The following MAN2A1 variants were observed in gnomAD, a reference collection of about 807,000 sequenced individuals.
The protein encoded by MAN2A1 is mannosidase alpha class 2A member 1, also known as alpha-mannosidase 2.
Under a neutral mutation model 142.6 loss-of-function variants are expected in MAN2A1, and 76 were observed. The observed-to-expected ratio is 0.53, with a 90% CI of 0.44 to 0.65. MAN2A1 has a LOEUF of 0.65. Ranked by LOEUF, MAN2A1 falls within the 30% of genes least tolerant of loss-of-function variation. The probability of loss-of-function intolerance (pLI) is 0.00; values close to 1 mark genes in which losing one functional copy is unlikely to be tolerated. For missense variants in MAN2A1, 1,311 were observed against 1,365.1 expected (o/e 0.96, Z 0.62); for synonymous variants, 559 against 473.2 (o/e 1.18, Z -2.35).
chr5:109,868,043 A>G lies in MAN2A1; in HGVS notation c.*1045A>G, dbSNP rs897955767. ...ATTTTGACTATTTGAATGTACTGAG[A>G]TGTCAGAAAACAAAACAAGGAAGGA... On this transcript the variant is annotated 3_prime_UTR_variant, in exon 22 of 22. Transcript: ENST00000261483. 1 of 152,188 alleles carries G rather than the reference A, an allele frequency of 6.6e-6. No homozygotes were observed. The highest frequency in any genetic ancestry group is 1.5e-5 in the Non-Finnish European group (1 of 68,018). 9.4% of individuals were successfully genotyped at this position (152,188 alleles called of 1,614,324 possible).
chr5:109,846,953 C>T (rs1178400039), intron 18 of MAN2A1, among the ~76,000 whole-genome samples: 1 of 152,066 alleles, frequency 6.6e-6, no homozygotes, highest in Non-Finnish European at 1.5e-5. Context: ...TCCCGATGTG[C>T]AGTGGGGCAG....
At chr5:109,784,565 A>G (rs1753547653) in intron 9 of MAN2A1, among the ~76,000 whole-genome samples, 179 bp from the exon 10 acceptor site, 1 of 152,182 alleles carries the variant, frequency 6.6e-6, no homozygotes, top group African/African-American at 2.4e-5. Context: ...GAGAACGTAA[A>G]TGTGTTATAC....
intron 4 of MAN2A1, among the ~76,000 whole-genome samples, chr5:109,738,807 T>TCTTCTA (rs1752182912): frequency 2.0e-5 from 3 of 152,136 alleles, no homozygotes; most frequent in Non-Finnish European, 4.4e-5. Context: ...TATGTAATTT[T>TCTTCTA]TAATGCTGAA....
chr5:109,743,675 C>T (rs1362711871), intron 4 of MAN2A1, among the ~76,000 whole-genome samples: 2 of 152,194 alleles, frequency 1.3e-5, no homozygotes, highest in South Asian at 2.1e-4. Context: ...CCCTGCTTTT[C>T]GTCTCCATTG....
intron 3 of MAN2A1, among the ~76,000 whole-genome samples, chr5:109,720,833 A>G (rs556547816): frequency 2.2e-4 from 33 of 152,326 alleles, no homozygotes; most frequent in African/African-American, 7.2e-4. Context: ...CTGGTTGCTA[A>G]AGGAACTTTA....
chr5:109,716,082 AT>A, intron 2 of MAN2A1, 37 bp from the exon 3 acceptor site: 1 of 1,410,426 alleles, frequency 7.1e-7, no homozygotes, highest in Non-Finnish European at 9.9e-7. Context: ...TAAATTAATA[AT>A]TGTTAAACTT....
At chr5:109,843,171 G>T (rs903155318) in intron 17 of MAN2A1, among the ~76,000 whole-genome samples, 1 of 152,110 alleles carries the variant, frequency 6.6e-6, no homozygotes, top group Non-Finnish European at 1.5e-5. Context: ...AATTTATAAA[G>T]GAAAGAGGTT....
Position 109,773,416 on chromosome 5 carries a change from A to G in MAN2A1, c.1197-1372A>G, listed in dbSNP as rs578023703. Among the ~76,000 whole-genome samples, 58 of 152,200 alleles carry G rather than the reference A, an allele frequency of 3.8e-4. No individual in the cohort carries two copies. In the South Asian group the frequency reaches 0.011, roughly 30 times the overall value. The stretch of plus-strand genomic sequence containing the variant: ...GCCTAGGAAATCTAGTTGGAGCTCA[A>G]TTATATCTTATATCTATGATTTATA... On this transcript the variant is annotated intron_variant, in intron 7 of 21. Transcript: ENST00000261483.
chr5:109,716,409 T>C, intron 3 of MAN2A1, 145 bp downstream of exon 3: 1 of 607,600 alleles, frequency 1.6e-6, no homozygotes, highest in African/African-American at 1.9e-5. Context: ...CTTTTATGTG[T>C]CATTATGTTT....
intron 1 of MAN2A1, among the ~76,000 whole-genome samples, chr5:109,704,346 AT>A (rs1278278052): frequency 6.6e-6 from 1 of 152,192 alleles, no homozygotes; most frequent in African/African-American, 2.4e-5. Context: ...GTAGCTACGT[AT>A]TTTTTGTGCT....
rs370773256 is a variant in MAN2A1, at chr5:109,781,472, C to T, written c.1451C>T (p.Ser484Leu). The change falls in exon 9 of 22, where the codon TCG becomes TTG. Residue 484 changes from serine to leucine, a missense_variant. This residue lies in a region of MAN2A1 where 890 missense variants were observed against 920.5 expected (regional missense o/e 0.97). Transcript: ENST00000261483. ...ADETQRDKGQSMFPVLSGDFF... is the reference protein window; with the variant it reads ...ADETQRDKGQLMFPVLSGDFF... The stretch of plus-strand genomic sequence containing the variant: ...GAAACTCAGAGAGACAAGGGCCAAT[C>T]GATGTTCCCTGTTTTAAGTGGAGAT... 6.5e-5 allele frequency: 105 copies of T among 1,613,074 alleles called. No homozygotes were observed. The highest frequency in any genetic ancestry group is 8.1e-5 in the Non-Finnish European group (95 of 1,179,668).
chr5:109,703,388 G>T (rs1244340961), intron 1 of MAN2A1, among the ~76,000 whole-genome samples: 1 of 152,166 alleles, frequency 6.6e-6, no homozygotes, highest in Non-Finnish European at 1.5e-5. Flanking sequence ...ATGTAAGACA[G>T]ATTACCAACA....
At chr5:109,714,794 C>G (rs1421442851) in intron 2 of MAN2A1, among the ~76,000 whole-genome samples, 1 of 152,158 alleles carries the variant, frequency 6.6e-6, no homozygotes, top group Non-Finnish European at 1.5e-5. Context: ...ACAGGCCAAG[C>G]TGGAAGCTGG....
chr5:109,848,766 CTG>C (rs1224262000), intron 19 of MAN2A1, among the ~76,000 whole-genome samples: 1 of 152,138 alleles, frequency 6.6e-6, no homozygotes, highest in African/African-American at 2.4e-5. Context: ...TTTGAACACT[CTG>C]TTTTCTTCTA....
intron 4 of MAN2A1, among the ~76,000 whole-genome samples, chr5:109,741,146 T>G (rs145641635): frequency 1.3e-5 from 2 of 152,142 alleles, no homozygotes; most frequent in Admixed American, 1.3e-4. Context: ...TTGGAAAATA[T>G]TCTGGAATAC....
chr5:109,856,040 T>A (rs2112774179), intron 20 of MAN2A1, among the ~76,000 whole-genome samples: 1 of 152,288 alleles, frequency 6.6e-6, no homozygotes, highest in East Asian at 1.9e-4. Flanking sequence ...AGGATGCTCA[T>A]GTTTAAAGAC....
chr5:109,804,393 C>T (rs1580269528), intron 12 of MAN2A1: 1 of 487,196 alleles, frequency 2.1e-6, no homozygotes, highest in Non-Finnish European at 2.7e-6. Flanking sequence ...TATGTGAAAT[C>T]GCGTTACTTT....
At chr5:109,747,984 T>G (rs1752450448) in intron 4 of MAN2A1, among the ~76,000 whole-genome samples, 1 of 152,214 alleles carries the variant, frequency 6.6e-6, no homozygotes, top group Non-Finnish European at 1.5e-5. Flanking sequence ...TACCGTGCTT[T>G]TTAAACATGT....
chr5:109,855,554 G>A (rs766793591), intron 20 of MAN2A1, among the ~76,000 whole-genome samples: 4 of 152,092 alleles, frequency 2.6e-5, no homozygotes, highest in African/African-American at 9.7e-5. Context: ...TCTGTATGGC[G>A]AGCAGGTCAG....
Sources: gnomAD v4.1 joint callset for allele counts (sites outside exome capture counted in the v4.1 genomes callset) on GRCh38, gnomAD v4.1.1 for gene constraint, gnomAD v4.1.1 regional missense constraint, MANE v1.5 for transcripts, NCBI Gene and HGNC (gene_info 2026-07-23, HGNC 2026-07-21) for gene names.